The following DCAF1 variants were observed in gnomAD, a reference collection of about 807,000 sequenced individuals.
DCAF1 encodes the protein DDB1 and CUL4 associated factor 1.
DCAF1 carries 15 observed loss-of-function variants against 128.0 expected under a neutral mutation model. That is an observed-to-expected ratio of 0.12 (90% confidence interval 0.08 to 0.18). The LOEUF (loss-of-function observed/expected upper bound fraction) is 0.18, where lower values mean the gene tolerates loss of function less well. Among genes scored for constraint, DCAF1 ranks in the 10% least tolerant of loss-of-function variants. The pLI is 1.00. For synonymous variants in DCAF1, 610 were observed against 603.0 expected, an observed-to-expected ratio of 1.01 and a Z score of -0.17; for missense variants, 988 against 1,649.5, an observed-to-expected ratio of 0.60 and a Z score of 6.95.
At chr3:51,407,638 G>C (rs1009204785) in intron 23 of DCAF1, among the ~76,000 whole-genome samples, 1 of 152,048 alleles carries the variant, frequency 6.6e-6, no homozygotes, top group African/African-American at 2.4e-5. Context: ...TACTTATCTT[G>C]GGTTTTGTAA....
chr3:51,422,971 G>A lies in DCAF1; in HGVS notation c.1848-540C>T, dbSNP rs146891907. 4.3e-3 allele frequency among the ~76,000 whole-genome samples: 648 copies of A among 152,198 alleles called. 4 individuals carry two copies. Among genetic ancestry groups the A allele is most frequent in the African/African-American group, 0.015 (618 of 41,504 alleles). On this transcript the variant is annotated intron_variant, in intron 13 of 24. Transcript: ENST00000684031. ...TAGTCCCAGCTTCTCAGGAGGCTGA[G>A]GTGGGAGGATCACCTATGCCCAGGA... is the stretch of plus-strand genomic sequence containing the variant.
At chr3:51,438,844 C>CA (rs1701093074) in intron 9 of DCAF1, among the ~76,000 whole-genome samples, 1 of 152,234 alleles carries the variant, frequency 6.6e-6, no homozygotes, top group Admixed American at 6.5e-5. Context: ...CTCCTGACCT[C>CA]AGGTGATTCA....
chr3:51,429,698 T>C (rs1476094718), intron 11 of DCAF1, among the ~76,000 whole-genome samples: 1 of 152,038 alleles, frequency 6.6e-6, no homozygotes, highest in African/African-American at 2.4e-5. Context: ...AAGCAAAACA[T>C]TAAACTCATA....
chr3:51,419,583 G>A, intron 15 of DCAF1, 151 bp downstream of exon 15: 1 of 1,370,922 alleles, frequency 7.3e-7, no homozygotes, highest in Non-Finnish European at 9.6e-7. Flanking sequence ...GGAACCCATG[G>A]TTGACAAAAG....
chr3:51,404,122 C>G (rs1336614513), intron 23 of DCAF1, among the ~76,000 whole-genome samples: 7 of 152,236 alleles, frequency 4.6e-5, no homozygotes, highest in African/African-American at 1.7e-4. Context: ...ATTCTGGCAT[C>G]TGCCACAGAT....
At chr3:51,475,698 A>G (rs1705353658) in intron 3 of DCAF1, among the ~76,000 whole-genome samples, 1 of 152,284 alleles carries the variant, frequency 6.6e-6, no homozygotes. Context: ...CGTCTCTACT[A>G]AACATACAAA....
intron 3 of DCAF1, among the ~76,000 whole-genome samples, chr3:51,475,605 T>C (rs1331815559): frequency 2.6e-5 from 4 of 152,202 alleles, no homozygotes; most frequent in African/African-American, 9.7e-5. Flanking sequence ...CTTACGCCCG[T>C]AATCCCAGCA....
intron 10 of DCAF1, among the ~76,000 whole-genome samples, chr3:51,430,661 T>G (rs1214503435): frequency 6.6e-6 from 1 of 152,240 alleles, no homozygotes; most frequent in Admixed American, 6.5e-5. Flanking sequence ...AAAATGAAAC[T>G]GTAAAGCATC....
chr3:51,492,017 GTGGTGGCACACAC>G (rs1707706747), intron 2 of DCAF1, among the ~76,000 whole-genome samples: 1 of 151,684 alleles, frequency 6.6e-6, no homozygotes, highest in Non-Finnish European at 1.5e-5. Context: ...TTGGCCAGGT[GTGGTGGCACACAC>G]TGGTAGTCCC....
upstream of DCAF1, among the ~76,000 whole-genome samples, chr3:51,504,760 G>A (rs1220582241): frequency 3.9e-5 from 6 of 152,260 alleles, no homozygotes; most frequent in East Asian, 1.2e-3. Flanking sequence ...GACTGCTGGG[G>A]CAGACCCTCA....
At chr3:51,501,337 C>G (rs941195483), upstream of DCAF1, among the ~76,000 whole-genome samples, 2 of 152,102 alleles carry the variant, frequency 1.3e-5, no homozygotes, top group Non-Finnish European at 2.9e-5. Context: ...ACAGCAGAAC[C>G]AGAGGACTCC....
rs559401955 is a variant in DCAF1, at chr3:51,466,735, C to T, written c.261+68G>A. 313 of 1,538,934 alleles carry T rather than the reference C, an allele frequency of 2.0e-4. 1 individual carries two copies. In the African/African-American group the frequency reaches 3.9e-3, roughly 19 times the overall value. Reference sequence around the variant, plus strand: ...GCCTTAGGAGAAGGCAAACTATTCACGAAAAAACAATAAAGATACAGCATC... The same window carrying T: ...GCCTTAGGAGAAGGCAAACTATTCATGAAAAAACAATAAAGATACAGCATC... On this transcript the variant is annotated intron_variant, in intron 5 of 24. Coordinates refer to ENST00000684031, the MANE Select transcript of DCAF1 (RefSeq NM_001387579.1).
In DCAF1 at chr3:51,483,842, G is replaced by A. The variant is rs782698422; in HGVS notation, c.-8-6C>T. The A allele has an allele frequency of 6.3e-7, 1 of 1,585,120 alleles. No individual in the cohort carries two copies. The highest frequency in any genetic ancestry group is 8.6e-7 in the Non-Finnish European group (1 of 1,157,672). ...TACTGTAGTCATGGCTTTGCCTAAG[G>A]AAGCAAAAATAAAAATAAAAAAGAC... On this transcript the variant is annotated splice_polypyrimidine_tract_variant and splice_region_variant and intron_variant, in intron 2 of 24. Coordinates refer to ENST00000684031, the MANE Select transcript of DCAF1 (RefSeq NM_001387579.1).
intron 6 of DCAF1, among the ~76,000 whole-genome samples, chr3:51,462,098 A>C (rs12631677): frequency 6.6e-6 from 1 of 152,000 alleles, no homozygotes; most frequent in Non-Finnish European, 1.5e-5. Context: ...AAGAAAAAAA[A>C]CCACACAACA....
intron 9 of DCAF1, among the ~76,000 whole-genome samples, chr3:51,434,305 G>A (rs914946163): frequency 1.3e-5 from 2 of 151,840 alleles, no homozygotes; most frequent in East Asian, 1.9e-4. Flanking sequence ...AGGACGGTGA[G>A]GTAAGAGGAT....
chr3:51,485,689 C>T (rs1164592583), intron 2 of DCAF1, among the ~76,000 whole-genome samples: 2 of 152,028 alleles, frequency 1.3e-5, no homozygotes, highest in African/African-American at 4.8e-5. Context: ...ACCATAAAAC[C>T]AAAAGAAATA....
chr3:51,430,172 T>G lies in DCAF1; in HGVS notation c.1328A>C (p.Asn443Thr), dbSNP rs1700243298. Residue 443 changes from asparagine (N) to threonine (T), a missense_variant, in exon 11 of 25, where the codon AAC becomes ACC. Physicochemically the swap from Asn to Thr is moderately conservative, Grantham distance 65. Coordinates refer to ENST00000684031, the MANE Select transcript of DCAF1 (RefSeq NM_001387579.1). ...ACACTCCATTAACCACAGGGTATAG[T>G]TCACCACATCAGACAGAACATTGTG... ...HPHNVLSDVVNYTLWLMECSH... is the reference protein window; with the variant it reads ...HPHNVLSDVVTYTLWLMECSH... The G allele has an allele frequency of 1.3e-6, 1 of 780,850 alleles. No individual in the cohort carries two copies. Among genetic ancestry groups the G allele is most frequent in the Non-Finnish European group, 2.4e-6 (1 of 417,966 alleles). 48.4% of individuals were successfully genotyped at this position (780,850 alleles called of 1,614,324 possible). A position where few individuals can be genotyped will look rare whatever the true frequency, so the allele number is the denominator to read the frequency against.
At chr3:51,439,980 A>C (rs1701215160) in intron 9 of DCAF1, among the ~76,000 whole-genome samples, 1 of 152,056 alleles carries the variant, frequency 6.6e-6, no homozygotes, top group Non-Finnish European at 1.5e-5. Context: ...CAACAGAGCG[A>C]GACTCCATCT....
At position 51,403,126 on chromosome 3, in the gene DCAF1, C is replaced by A. The variant is rs782203096; in HGVS notation, c.4465+17G>T. ...CCTGGGTGCCAAGGCTCAGCCTGAA[C>A]TCTGCCCTATACTTACTGTCCCCCA... On this transcript the variant is annotated intron_variant, in intron 24 of 24. Transcript: ENST00000684031. 2 of 1,597,242 alleles carry A rather than the reference C, an allele frequency of 1.3e-6. No individual in the cohort carries two copies. Among genetic ancestry groups the A allele is most frequent in the East Asian group, 4.5e-5 (2 of 44,680 alleles).
Sources: allele counts gnomAD v4.1 joint callset (sites outside exome capture counted in the v4.1 genomes callset), GRCh38; gene constraint gnomAD v4.1.1; transcripts MANE v1.5; gene names NCBI Gene and HGNC (gene_info 2026-07-23, HGNC 2026-07-21).